Variants in QKI observed in about 807,000 individuals in gnomAD.
The protein encoded by QKI is QKI, KH domain containing RNA binding, also known as KH domain-containing RNA-binding protein QKI.
A neutral mutation model predicts 39.0 loss-of-function variants in QKI; 10 were observed. The observed-to-expected ratio is 0.26, with a 90% CI of 0.16 to 0.43. QKI has a LOEUF of 0.43. QKI is among the 20% of genes least tolerant of loss of function. QKI has a pLI of 1.00. For synonymous variants in QKI, 204 were observed against 155.4 expected, an observed-to-expected ratio of 1.31 and a Z score of -2.33; for missense variants, 218 against 428.0, an observed-to-expected ratio of 0.51 and a Z score of 4.33.
intron 4 of QKI, among the ~76,000 whole-genome samples, chr6:163,553,330 T>G (rs1272624986): frequency 6.6e-6 from 1 of 152,032 alleles, no homozygotes; most frequent in Admixed American, 6.6e-5. Flanking sequence ...CTCAAACTCC[T>G]GACCTCAAGT....
intron 4 of QKI, among the ~76,000 whole-genome samples, chr6:163,556,744 G>A (rs75839216): frequency 6.6e-6 from 1 of 152,094 alleles, no homozygotes; most frequent in Non-Finnish European, 1.5e-5. Context: ...ACTCTGCTGG[G>A]TGTTATAGAA....
intron 1 of QKI, among the ~76,000 whole-genome samples, chr6:163,439,221 A>G (rs1008343002): frequency 3.3e-5 from 5 of 152,174 alleles, no homozygotes; most frequent in Non-Finnish European, 5.9e-5. Flanking sequence ...TAATAATAGC[A>G]GATTCTTGAG....
At chr6:163,525,074 G>A (rs937979778) in intron 3 of QKI, among the ~76,000 whole-genome samples, 4 of 151,992 alleles carry the variant, frequency 2.6e-5, no homozygotes, top group Admixed American at 6.6e-5. Context: ...TTAAACATTC[G>A]CATTTTAAAA....
intron 4 of QKI, among the ~76,000 whole-genome samples, chr6:163,553,118 T>C (rs1374690035): frequency 2.8e-5 from 4 of 140,500 alleles, no homozygotes; most frequent in African/African-American, 1.1e-4. Flanking sequence ...TTATTTATTT[T>C]TTGAGATGGA....
intron 1 of QKI, among the ~76,000 whole-genome samples, chr6:163,429,544 G>A (rs1788672620): frequency 6.6e-6 from 1 of 152,160 alleles, no homozygotes; most frequent in Admixed American, 6.5e-5. Context: ...TTCAGGAAAT[G>A]TGTGTAATGA....
chr6:163,486,102 C>T (rs1254015962), intron 3 of QKI, among the ~76,000 whole-genome samples: 1 of 152,164 alleles, frequency 6.6e-6, no homozygotes, highest in Non-Finnish European at 1.5e-5. Flanking sequence ...ATGTTCAGAC[C>T]ATGGGACAAC....
At chr6:163,430,566 A>G (rs1292700149) in intron 1 of QKI, among the ~76,000 whole-genome samples, 1 of 152,146 alleles carries the variant, frequency 6.6e-6, no homozygotes, top group Non-Finnish European at 1.5e-5. Context: ...ATGGAGGAAT[A>G]GGTACATCTG....
intron 2 of QKI, among the ~76,000 whole-genome samples, chr6:163,460,935 T>G (rs1039275344): frequency 6.6e-6 from 1 of 152,224 alleles, no homozygotes; most frequent in Non-Finnish European, 1.5e-5. Context: ...TTTGATAGTT[T>G]GTACAGAAAT....
chr6:163,510,217 AAATAATAATAATAAT>A (rs142297811), intron 3 of QKI, among the ~76,000 whole-genome samples: 12,502 of 136,216 alleles, frequency 0.092, 944 homozygotes, highest in African/African-American at 0.21. Context: ...CTCTATCTCA[AAATAATAATAATAAT>A]AATAATAATA....
At chr6:163,496,636 C>T (rs184179136) in intron 3 of QKI, among the ~76,000 whole-genome samples, 30 of 152,276 alleles carry the variant, frequency 2.0e-4, no homozygotes, top group Admixed American at 1.3e-3. Flanking sequence ...AAAGGCCCTA[C>T]GTGGCCTTGT....
chr6:163,547,286 A>G (rs937894772), intron 4 of QKI, among the ~76,000 whole-genome samples: 21 of 152,238 alleles, frequency 1.4e-4, no homozygotes, highest in Admixed American at 1.4e-3. Flanking sequence ...ACAAGACTTC[A>G]TTATATACAG....
chr6:163,460,908 C>T (rs568735513), intron 2 of QKI, among the ~76,000 whole-genome samples: 3 of 92,242 alleles, frequency 3.3e-5, no homozygotes, highest in South Asian at 6.9e-4. Context: ...TTTAAAATTA[C>T]GATCTACACA....
intron 3 of QKI, among the ~76,000 whole-genome samples, chr6:163,521,907 A>G (rs1244161083): frequency 6.6e-6 from 1 of 152,166 alleles, no homozygotes; most frequent in Non-Finnish European, 1.5e-5. Context: ...TAATTGAGGA[A>G]GCGGGATGTG....
In QKI at chr6:163,445,525, C is replaced by CA. The variant is rs1214680569; in HGVS notation, c.143-9753dup. 4.0e-5 allele frequency among the ~76,000 whole-genome samples: 6 copies of CA among 151,808 alleles called. No homozygotes were observed. In the East Asian group the frequency reaches 1.2e-3, roughly 29 times the overall value. On this transcript the variant is annotated intron_variant, in intron 1 of 7. Coordinates refer to ENST00000361752, the MANE Select transcript of QKI (RefSeq NM_006775.3). The stretch of plus-strand genomic sequence containing the variant: ...AATTTGGGTTTGTTTGATGTGTTCT[C>CA]ATGATTATAATGAGGACCATTTTTG...
chr6:163,481,357 C>T (rs772991743), intron 3 of QKI, among the ~76,000 whole-genome samples: 14 of 152,020 alleles, frequency 9.2e-5, no homozygotes, highest in Non-Finnish European at 1.9e-4. Context: ...GTGTGCTGGT[C>T]TGAATCCTTC....
At chr6:163,440,799 A>C (rs930887312) in intron 1 of QKI, among the ~76,000 whole-genome samples, 5 of 152,160 alleles carry the variant, frequency 3.3e-5, no homozygotes, top group African/African-American at 9.7e-5. Context: ...CCTGGTACAG[A>C]GTAGGTGTAA....
Position 163,438,204 on chromosome 6 carries a change from G to A in QKI, c.143-17075G>A, listed in dbSNP as rs1396488857. ...AAAGTCTGGGAAAAGACCATTTTCAGATTTCAGATAATATTTCAGATAAAT... is the reference window on the plus strand; with the variant it reads ...AAAGTCTGGGAAAAGACCATTTTCAAATTTCAGATAATATTTCAGATAAAT... On this transcript the variant is annotated intron_variant, in intron 1 of 7. Transcript: ENST00000361752. Among the ~76,000 whole-genome samples the A allele has an allele frequency of 2.0e-5, 3 of 152,294 alleles. No homozygotes were observed. In the South Asian group the frequency reaches 6.2e-4, roughly 32 times the overall value.
chr6:163,566,061 C>A, intron 6 of QKI: 2 of 1,567,906 alleles, frequency 1.3e-6, no homozygotes, highest in South Asian at 1.2e-5. Flanking sequence ...AAAAGCTTAG[C>A]CTAGCAGTCA....
At chr6:163,473,195 A>G (rs1390946533) in intron 2 of QKI, among the ~76,000 whole-genome samples, 1 of 152,178 alleles carries the variant, frequency 6.6e-6, no homozygotes, top group African/African-American at 2.4e-5. Context: ...GCGTGGTTGC[A>G]GATATTGATG....
Sources: allele counts gnomAD v4.1 joint callset (sites outside exome capture counted in the v4.1 genomes callset), GRCh38; gene constraint gnomAD v4.1.1; transcripts MANE v1.5; gene names NCBI Gene and HGNC (gene_info 2026-07-23, HGNC 2026-07-21).